Variants in SCAPER observed in about 807,000 individuals in gnomAD.
SCAPER encodes the protein S-phase cyclin A associated protein in the ER.
A neutral mutation model predicts 182.2 loss-of-function variants in SCAPER; 98 were observed. The observed-to-expected ratio is 0.54, with a 90% CI of 0.46 to 0.64. SCAPER has a LOEUF of 0.64. Ranked by LOEUF, SCAPER falls within the 30% of genes least tolerant of loss-of-function variation. The pLI, the probability that SCAPER is intolerant of heterozygous loss-of-function variation, is 0.00. For missense variants in SCAPER, 1,432 were observed against 1,690.0 expected, an observed-to-expected ratio of 0.85 and a Z score of 2.68; for synonymous variants, 605 against 564.6, an observed-to-expected ratio of 1.07 and a Z score of -1.01.
At chr15:76,438,279 C>CA (rs372587932) in intron 25 of SCAPER, among the ~76,000 whole-genome samples, 30,298 of 110,836 alleles carry the variant, frequency 0.27, 4,569 homozygotes, top group Admixed American at 0.39. Context: ...GAGACTGTCT[C>CA]AAAAAAAAAA....
chr15:76,888,066 A>T (rs566112886), intron 1 of SCAPER, among the ~76,000 whole-genome samples: 13 of 152,356 alleles, frequency 8.5e-5, no homozygotes, highest in African/African-American at 3.1e-4. Context: ...GCAAACTCCA[A>T]CAGACCTGCA....
At chr15:76,611,168 T>C (rs138417442) in intron 22 of SCAPER, among the ~76,000 whole-genome samples, 106 of 152,196 alleles carry the variant, frequency 7.0e-4, no homozygotes, top group African/African-American at 2.3e-3. Context: ...GGAGAAAGAA[T>C]AGTCTCTTCA....
At chr15:76,539,160 G>C (rs562066672) in intron 23 of SCAPER, among the ~76,000 whole-genome samples, 1 of 152,040 alleles carries the variant, frequency 6.6e-6, no homozygotes, top group South Asian at 2.1e-4. Context: ...AAGCAAATTA[G>C]CTGTAGAAAA....
chr15:76,398,224 C>T (rs969487005), intron 27 of SCAPER, among the ~76,000 whole-genome samples: 1 of 152,218 alleles, frequency 6.6e-6, no homozygotes, highest in African/African-American at 2.4e-5. Flanking sequence ...CGTCATTTCT[C>T]CCTCCTCTGA....
At chr15:76,867,351 G>A (rs932814555) in intron 2 of SCAPER, among the ~76,000 whole-genome samples, 1 of 151,998 alleles carries the variant, frequency 6.6e-6, no homozygotes, top group Admixed American at 6.6e-5. Context: ...CACTACTAAC[G>A]CCCTTAATAC....
chr15:76,886,113 C>T (rs559220798), intron 1 of SCAPER, among the ~76,000 whole-genome samples: 4 of 152,246 alleles, frequency 2.6e-5, no homozygotes, highest in South Asian at 4.1e-4. Context: ...CACATTCCCA[C>T]AAAATTGTAC....
chr15:76,657,001 G>A (rs748646969), intron 21 of SCAPER, among the ~76,000 whole-genome samples: 8 of 151,960 alleles, frequency 5.3e-5, no homozygotes, highest in South Asian at 2.1e-4. Flanking sequence ...AGAGGAAGAG[G>A]AACCCAACCC....
chr15:76,680,822 G>A (rs1422224834), intron 20 of SCAPER, among the ~76,000 whole-genome samples: 1 of 152,168 alleles, frequency 6.6e-6, no homozygotes, highest in Non-Finnish European at 1.5e-5. Context: ...CTTCCAGCTA[G>A]CAGAACTGTC....
intron 8 of SCAPER, among the ~76,000 whole-genome samples, chr15:76,778,666 T>C (rs2063898284): frequency 6.6e-6 from 1 of 151,882 alleles, no homozygotes; most frequent in African/African-American, 2.4e-5. Flanking sequence ...TGTGTGTGTG[T>C]ATGTATATAC....
At chr15:76,541,226 A>T (rs925276037) in intron 23 of SCAPER, among the ~76,000 whole-genome samples, 15 of 151,676 alleles carry the variant, frequency 9.9e-5, no homozygotes, top group Non-Finnish European at 2.2e-4. Context: ...TTTATTAAAA[A>T]ATATATATCT....
intron 5 of SCAPER, among the ~76,000 whole-genome samples, chr15:76,821,481 G>A (rs891510932): frequency 4.6e-5 from 7 of 152,136 alleles, no homozygotes; most frequent in Non-Finnish European, 1.0e-4. Context: ...AATTAGCCAG[G>A]CATAGTGGTG....
At chr15:76,496,179 A>C (rs1302728890) in intron 24 of SCAPER, among the ~76,000 whole-genome samples, 1 of 152,040 alleles carries the variant, frequency 6.6e-6, no homozygotes, top group East Asian at 1.9e-4. Flanking sequence ...ACTGGCTTCT[A>C]ATTTCAGGAA....
chr15:76,534,034 T>G (rs1479128064), intron 23 of SCAPER, among the ~76,000 whole-genome samples: 1 of 152,242 alleles, frequency 6.6e-6, no homozygotes, highest in Non-Finnish European at 1.5e-5. Flanking sequence ...ATATAGCAAC[T>G]AGTATAAAAA....
intron 26 of SCAPER, among the ~76,000 whole-genome samples, chr15:76,426,627 A>T (rs1236746035): frequency 2.0e-5 from 3 of 152,182 alleles, no homozygotes; most frequent in African/African-American, 7.2e-5. Flanking sequence ...TATTGTTAAA[A>T]TGGCTATACT....
chr15:76,656,907 C>T (rs933223422), intron 21 of SCAPER, among the ~76,000 whole-genome samples: 16 of 152,202 alleles, frequency 1.1e-4, no homozygotes, highest in Middle Eastern at 3.4e-3. Flanking sequence ...CAGTGTTAAG[C>T]GGGAAGTTTA....
intron 29 of SCAPER, among the ~76,000 whole-genome samples, chr15:76,356,134 T>C (rs2040947910): frequency 6.6e-6 from 1 of 152,102 alleles, no homozygotes; most frequent in African/African-American, 2.4e-5. Flanking sequence ...ATTTTAGACA[T>C]TGTGGAGACA....
chr15:76,510,412 A>G (rs998999896), intron 23 of SCAPER, among the ~76,000 whole-genome samples: 1 of 152,072 alleles, frequency 6.6e-6, no homozygotes, highest in African/African-American at 2.4e-5. Flanking sequence ...CAAACAAACA[A>G]CCCCATCAAA....
At chr15:76,547,660 G>A (rs1264648655) in intron 23 of SCAPER, among the ~76,000 whole-genome samples, 3 of 152,012 alleles carry the variant, frequency 2.0e-5, no homozygotes, top group African/African-American at 7.2e-5. Flanking sequence ...TGTGTATGGT[G>A]TGGTTATTCA....
At chr15:76,419,011 G>A (rs957099030) in intron 26 of SCAPER, among the ~76,000 whole-genome samples, 2 of 152,202 alleles carry the variant, frequency 1.3e-5, no homozygotes, top group Admixed American at 6.5e-5. Flanking sequence ...ACCTCTGCAC[G>A]AACATGTACC....
Sources: gnomAD v4.1 joint callset for allele counts (sites outside exome capture counted in the v4.1 genomes callset) on GRCh38, gnomAD v4.1.1 for gene constraint, MANE v1.5 for transcripts, NCBI Gene and HGNC (gene_info 2026-07-23, HGNC 2026-07-21) for gene names.